HS6ST3: variants seen among roughly 807,000 people sequenced by gnomAD.
The protein encoded by HS6ST3 is heparan-sulfate 6-O-sulfotransferase 3.
A neutral mutation model predicts 36.7 loss-of-function variants in HS6ST3; 12 were observed. The observed-to-expected ratio is 0.33, with a 90% CI of 0.21 to 0.53. HS6ST3 has a LOEUF of 0.53. Ranked by LOEUF, HS6ST3 falls within the 20% of genes least tolerant of loss-of-function variation. HS6ST3 has a pLI of 0.95. For missense variants in HS6ST3, 584 were observed against 640.9 expected, an observed-to-expected ratio of 0.91 and a Z score of 0.96; for synonymous variants, 240 against 257.5, an observed-to-expected ratio of 0.93 and a Z score of 0.65.
chr13:96,713,238 T>TACATCA (rs1449714121), intron 1 of HS6ST3, among the ~76,000 whole-genome samples: 8 of 152,334 alleles, frequency 5.3e-5, no homozygotes, highest in African/African-American at 1.9e-4. Flanking sequence ...CTAAATATTC[T>TACATCA]ACATCTTTCA....
chr13:96,641,155 T>C (rs2056568784), intron 1 of HS6ST3, among the ~76,000 whole-genome samples: 1 of 151,932 alleles, frequency 6.6e-6, no homozygotes, highest in Non-Finnish European at 1.5e-5. Flanking sequence ...GTATGACAAA[T>C]GGATTTCCTT....
chr13:96,815,888 C>T (rs937224840), intron 1 of HS6ST3, among the ~76,000 whole-genome samples: 22 of 152,136 alleles, frequency 1.4e-4, no homozygotes, highest in African/African-American at 4.1e-4. Flanking sequence ...CCCCATGAGC[C>T]GCTAAGAATC....
intron 1 of HS6ST3, among the ~76,000 whole-genome samples, chr13:96,342,119 A>T (rs1266214704): frequency 6.6e-6 from 1 of 152,156 alleles, no homozygotes; most frequent in Non-Finnish European, 1.5e-5. Flanking sequence ...TCACAACAAT[A>T]AAGGGATCTA....
intron 1 of HS6ST3, among the ~76,000 whole-genome samples, chr13:96,600,575 G>T (rs2056417852): frequency 6.6e-6 from 1 of 151,850 alleles, no homozygotes; most frequent in African/African-American, 2.4e-5. Context: ...AGTTAATTGG[G>T]TCCCTTGAAG....
intron 1 of HS6ST3, among the ~76,000 whole-genome samples, chr13:96,189,247 A>T (rs1340026420): frequency 2.0e-5 from 3 of 152,164 alleles, no homozygotes; most frequent in African/African-American, 7.2e-5. Flanking sequence ...GTAGTCTTAA[A>T]AACTTAAAAC....
intron 1 of HS6ST3, among the ~76,000 whole-genome samples, chr13:96,432,067 C>T (rs2055618341): frequency 6.6e-6 from 1 of 152,174 alleles, no homozygotes. Context: ...ATTCTGGCCC[C>T]TTCCCAGAAC....
At chr13:96,548,659 T>C (rs575656743) in intron 1 of HS6ST3, among the ~76,000 whole-genome samples, 2 of 152,308 alleles carry the variant, frequency 1.3e-5, no homozygotes, top group African/African-American at 4.8e-5. Flanking sequence ...AGAATTGGCT[T>C]GTGTCCAAAA....
chr13:96,699,129 C>T (rs1875212776), intron 1 of HS6ST3, among the ~76,000 whole-genome samples: 2 of 152,124 alleles, frequency 1.3e-5, no homozygotes, highest in African/African-American at 4.8e-5. Flanking sequence ...ATATGTTAGA[C>T]CTAAAACCAT....
chr13:96,231,217 A>G (rs2054506549), intron 1 of HS6ST3, among the ~76,000 whole-genome samples: 1 of 152,124 alleles, frequency 6.6e-6, no homozygotes, highest in Admixed American at 6.5e-5. Flanking sequence ...TCCTGTGGGA[A>G]TCTTGCTAAC....
chr13:96,757,622 G>A (rs1024259), intron 1 of HS6ST3, among the ~76,000 whole-genome samples: 8 of 152,150 alleles, frequency 5.3e-5, no homozygotes, highest in East Asian at 1.9e-4. Flanking sequence ...TTGTAGATAC[G>A]CATTATCCGA....
chr13:96,241,975 C>T (rs1347561369), intron 1 of HS6ST3, among the ~76,000 whole-genome samples: 3 of 151,512 alleles, frequency 2.0e-5, no homozygotes, highest in East Asian at 2.0e-4. Context: ...TTAGCAGAGA[C>T]GGGGTTTCAC....
At chr13:96,328,636 A>C (rs1222108820) in intron 1 of HS6ST3, among the ~76,000 whole-genome samples, 1 of 151,630 alleles carries the variant, frequency 6.6e-6, no homozygotes, top group East Asian at 1.9e-4. Flanking sequence ...ATTGGTCTAA[A>C]ATTCTCTTTT....
intron 1 of HS6ST3, among the ~76,000 whole-genome samples, chr13:96,224,696 G>T (rs1178171167): frequency 6.6e-6 from 1 of 152,178 alleles, no homozygotes; most frequent in Non-Finnish European, 1.5e-5. Context: ...AATATAAATT[G>T]TCTTGTTTTA....
At chr13:96,475,531 T>C (rs1467697163) in intron 1 of HS6ST3, among the ~76,000 whole-genome samples, 2 of 151,254 alleles carry the variant, frequency 1.3e-5, no homozygotes, top group Non-Finnish European at 2.9e-5. Context: ...ATCAGCAGTC[T>C]GTTAAGACAC....
At position 96,648,072 on chromosome 13, in the gene HS6ST3, C is replaced by T. The variant is rs80026873; in HGVS notation, c.708-184418C>T. ...GTGTTGATCTTTGCACACTATGTAT[C>T]CAGTAGTGACTAAATACAGTGACTT... On this transcript the variant is annotated intron_variant, in intron 1 of 1. Coordinates refer to ENST00000376705, the MANE Select transcript of HS6ST3 (RefSeq NM_153456.4). Among the ~76,000 whole-genome samples, 860 of 152,056 alleles carry T rather than the reference C, an allele frequency of 5.7e-3. 5 individuals are homozygous for T. The highest frequency in any genetic ancestry group is 0.02 in the African/African-American group (813 of 41,506).
At chr13:96,104,815 T>A (rs2053833628) in intron 1 of HS6ST3, among the ~76,000 whole-genome samples, 1 of 152,176 alleles carries the variant, frequency 6.6e-6, no homozygotes, top group South Asian at 2.1e-4. Context: ...GACTGACCCC[T>A]GTGCTTCCCT....
At chr13:96,369,013 G>A (rs1226564149) in intron 1 of HS6ST3, among the ~76,000 whole-genome samples, 1 of 142,152 alleles carries the variant, frequency 7.0e-6, no homozygotes, top group Admixed American at 7.1e-5. Flanking sequence ...AATGTACTCT[G>A]TGTTTGGACT....
intron 1 of HS6ST3, among the ~76,000 whole-genome samples, chr13:96,734,701 C>T (rs1381429053): frequency 6.6e-6 from 1 of 152,174 alleles, no homozygotes; most frequent in African/African-American, 2.4e-5. Flanking sequence ...GTTATCGTGG[C>T]CATCTCTTTA....
chr13:96,819,644 A>T (rs1878490487), intron 1 of HS6ST3, among the ~76,000 whole-genome samples: 1 of 152,202 alleles, frequency 6.6e-6, no homozygotes, highest in East Asian at 1.9e-4. Context: ...AGTGTTTCTC[A>T]TGAGACACAG....
Sources: gnomAD v4.1 joint callset for allele counts (sites outside exome capture counted in the v4.1 genomes callset) on GRCh38, gnomAD v4.1.1 for gene constraint, MANE v1.5 for transcripts, NCBI Gene and HGNC (gene_info 2026-07-23, HGNC 2026-07-21) for gene names.